The following SEL1L2 variants were observed in gnomAD, a reference collection of about 807,000 sequenced individuals.
SEL1L2 encodes protein sel-1 homolog 2.
In SEL1L2, 89 loss-of-function variants were observed where a neutral mutation model predicts 98.8. The observed-to-expected ratio is 0.90, with a 90% CI of 0.76 to 1.07. The LOEUF (loss-of-function observed/expected upper bound fraction) is 1.07. SEL1L2 is among the 50% of genes least tolerant of loss of function. SEL1L2 has a pLI of 0.00. For synonymous variants in SEL1L2, 262 were observed against 278.5 expected (o/e 0.94, Z 0.59); for missense variants, 788 against 812.0 (o/e 0.97, Z 0.36).
chr20:13,930,782 G>A (rs2049109718), intron 3 of SEL1L2, among the ~76,000 whole-genome samples: 1 of 152,006 alleles, frequency 6.6e-6, no homozygotes, highest in African/African-American at 2.4e-5. Context: ...CATAACCCAT[G>A]GTTCATAACC....
chr20:13,865,892 C>A (rs1293281819), intron 15 of SEL1L2, among the ~76,000 whole-genome samples: 2 of 151,306 alleles, frequency 1.3e-5, no homozygotes, highest in Admixed American at 1.3e-4. Flanking sequence ...TGCTGCTCTG[C>A]GAGGGCAAGT....
chr20:13,877,462 A>C lies in SEL1L2; in HGVS notation c.1026+58T>G, dbSNP rs939384721. 1.3e-5 allele frequency: 18 copies of C among 1,357,630 alleles called. No individual in the cohort carries two copies. The Admixed American group carries it at 2.5e-4, about 19-fold the overall frequency. The allele number at this position is 1,357,630 out of a possible 1,614,324, so 84.1% of individuals were successfully genotyped here. On this transcript the variant is annotated intron_variant, in intron 11 of 19. Coordinates refer to ENST00000284951, the MANE Select transcript of SEL1L2 (RefSeq NM_025229.2). ...ACAACAGGCACACGCTGCTATGCCC[A>C]GTTTAATTTCTTAGGTTTTTAATAA...
chr20:13,982,757 T>G (rs974728239), intron 1 of SEL1L2, among the ~76,000 whole-genome samples: 1 of 151,404 alleles, frequency 6.6e-6, no homozygotes, highest in Non-Finnish European at 1.5e-5. Context: ...CCAGGCACGG[T>G]GGCTCACACC....
intron 2 of SEL1L2, among the ~76,000 whole-genome samples, chr20:13,939,040 G>GTTTTTTTGTTTTTTTTTTTTTTT: frequency 8.8e-6 from 1 of 114,072 alleles, no homozygotes; most frequent in Admixed American, 9.9e-5. Context: ...TGCTTGTTTT[G>GTTTTTTTGTTTTTTTTTTTTTTT]TTTTTTTTTT....
intron 11 of SEL1L2, among the ~76,000 whole-genome samples, chr20:13,877,013 G>C (rs966669761): frequency 6.6e-6 from 1 of 151,878 alleles, no homozygotes; most frequent in African/African-American, 2.4e-5. Flanking sequence ...TAGTAGAGAC[G>C]GGGGTTTCAC....
intron 1 of SEL1L2, among the ~76,000 whole-genome samples, chr20:13,979,540 C>T (rs111467443): frequency 2.0e-4 from 30 of 152,036 alleles, no homozygotes; most frequent in African/African-American, 5.8e-4. Context: ...TATGTATCAA[C>T]GAAAAACAAA....
chr20:13,878,194 T>C (rs1016413959), intron 10 of SEL1L2, among the ~76,000 whole-genome samples: 13 of 152,128 alleles, frequency 8.5e-5, no homozygotes, highest in African/African-American at 1.2e-4. Flanking sequence ...GCTGACCTTG[T>C]CCCTTGCTGC....
chr20:13,986,457 G>A (rs563478053), intron 1 of SEL1L2, among the ~76,000 whole-genome samples: 22 of 133,122 alleles, frequency 1.7e-4, no homozygotes, highest in African/African-American at 6.3e-4. Context: ...CTATGAATTT[G>A]CCTATTTCAG....
chr20:13,855,898 A>G (rs552200732), intron 18 of SEL1L2, among the ~76,000 whole-genome samples: 70 of 152,312 alleles, frequency 4.6e-4, no homozygotes, highest in Non-Finnish European at 8.5e-4. Context: ...AGTCCTCACT[A>G]TGGATGGGGG....
intron 2 of SEL1L2, among the ~76,000 whole-genome samples, chr20:13,938,429 G>A (rs1339065264): frequency 6.6e-6 from 1 of 152,118 alleles, no homozygotes; most frequent in Non-Finnish European, 1.5e-5. Flanking sequence ...AGTCTTCTAA[G>A]GCTAGACTTT....
At chr20:13,908,409 C>A (rs975979019) in intron 5 of SEL1L2, among the ~76,000 whole-genome samples, 10 of 152,158 alleles carry the variant, frequency 6.6e-5, no homozygotes, top group African/African-American at 2.4e-4. Flanking sequence ...TAGGCGTCAG[C>A]CACCGTGTCT....
At chr20:13,933,566 C>T (rs965141463) in intron 2 of SEL1L2, among the ~76,000 whole-genome samples, 2 of 152,102 alleles carry the variant, frequency 1.3e-5, no homozygotes, top group Non-Finnish European at 2.9e-5. Flanking sequence ...GATTTGTTTT[C>T]AGGGTTAATC....
At chr20:13,886,562 A>G in intron 8 of SEL1L2, 120 bp from the exon 9 acceptor site, 1 of 850,672 alleles carries the variant, frequency 1.2e-6, no homozygotes, top group Admixed American at 2.9e-5. Flanking sequence ...TGTTCAACTA[A>G]TAGAGACAGA....
At chr20:13,924,078 A>G (rs1487395674) in intron 3 of SEL1L2, among the ~76,000 whole-genome samples, 1 of 152,052 alleles carries the variant, frequency 6.6e-6, no homozygotes, top group East Asian at 1.9e-4. Flanking sequence ...TCTCCCTATT[A>G]TTGACTTTAC....
intron 1 of SEL1L2, among the ~76,000 whole-genome samples, chr20:13,989,082 A>T (rs1400538643): frequency 6.6e-6 from 1 of 152,198 alleles, no homozygotes; most frequent in Admixed American, 6.5e-5. Context: ...GAGTATTGCC[A>T]TCTTACCAAT....
chr20:13,932,683 G>A (rs1439043656), intron 2 of SEL1L2, among the ~76,000 whole-genome samples: 1 of 152,036 alleles, frequency 6.6e-6, no homozygotes, highest in Non-Finnish European at 1.5e-5. Context: ...TGCCCGCCTC[G>A]GCCTCCCAAA....
chr20:13,956,054 A>G (rs751073219), intron 2 of SEL1L2, 22 bp downstream of exon 2: 3 of 1,436,120 alleles, frequency 2.1e-6, no homozygotes, highest in Non-Finnish European at 2.9e-6. Context: ...TAAAAAATGT[A>G]AAGATTTAGC....
chr20:13,877,874 C>A (rs378135), intron 10 of SEL1L2, among the ~76,000 whole-genome samples: 150,644 of 152,340 alleles, frequency 0.99, 74,485 homozygotes, highest in East Asian at 1. Flanking sequence ...ATGGGAATGT[C>A]GCTTTGTAGG....
intron 1 of SEL1L2, among the ~76,000 whole-genome samples, chr20:13,984,724 T>G (rs1212063573): frequency 6.6e-6 from 1 of 152,072 alleles, no homozygotes; most frequent in Non-Finnish European, 1.5e-5. Context: ...TCTTTCCTTT[T>G]TTCTTTCTTT....
Sources: allele counts gnomAD v4.1 joint callset (sites outside exome capture counted in the v4.1 genomes callset), GRCh38; gene constraint gnomAD v4.1.1; transcripts MANE v1.5; gene names NCBI Gene and HGNC (gene_info 2026-07-23, HGNC 2026-07-21).